Variants in MMP16 observed in about 807,000 individuals in gnomAD.
The protein encoded by MMP16 is matrix metalloproteinase-16.
A neutral mutation model predicts 67.8 loss-of-function variants in MMP16; 12 were observed. That is an observed-to-expected ratio of 0.18 (90% CI 0.11 to 0.29). MMP16 has a LOEUF of 0.29. Ranked by LOEUF, MMP16 falls within the 10% of genes least tolerant of loss-of-function variation. MMP16 has a pLI of 1.00. For synonymous variants in MMP16, 249 were observed against 255.9 expected (o/e 0.97, Z 0.26); for missense variants, 475 against 765.7 (o/e 0.62, Z 4.48).
chr8:88,239,053 TCACCTCCTTGTC>T (rs1293546155), intron 1 of MMP16, among the ~76,000 whole-genome samples: 22 of 152,106 alleles, frequency 1.4e-4, no homozygotes, highest in African/African-American at 4.1e-4. Flanking sequence ...GCATCTTGCC[TCACCTCCTTGTC>T]CACCTTCATC....
intron 4 of MMP16, among the ~76,000 whole-genome samples, chr8:88,139,493 T>C (rs1808175672): frequency 6.6e-6 from 1 of 151,950 alleles, no homozygotes; most frequent in Non-Finnish European, 1.5e-5. Flanking sequence ...AAAAGAGACA[T>C]GCCATTTATA....
chr8:88,172,873 C>T (rs1021988717), intron 3 of MMP16, among the ~76,000 whole-genome samples: 2 of 151,442 alleles, frequency 1.3e-5, no homozygotes, highest in South Asian at 4.2e-4. Context: ...CATAACAAAA[C>T]CAATGTCTTT....
intron 5 of MMP16, 86 bp from the exon 6 acceptor site, chr8:88,116,804 G>T: frequency 8.2e-7 from 1 of 1,213,540 alleles, no homozygotes; most frequent in Non-Finnish European, 1.2e-6. Flanking sequence ...TCACTTATCA[G>T]CAGAAGGCAC....
intron 1 of MMP16, among the ~76,000 whole-genome samples, chr8:88,214,106 CGTG>C (rs1809551854): frequency 6.6e-6 from 1 of 152,152 alleles, no homozygotes; most frequent in Admixed American, 6.5e-5. Context: ...AATACATAAA[CGTG>C]ATGACTCCTC....
At chr8:88,172,319 C>T (rs899142700) in intron 3 of MMP16, among the ~76,000 whole-genome samples, 1 of 152,130 alleles carries the variant, frequency 6.6e-6, no homozygotes, top group Admixed American at 6.5e-5. Context: ...TCTGACAACA[C>T]ATTTTATGTA....
intron 7 of MMP16, among the ~76,000 whole-genome samples, chr8:88,066,962 A>G (rs927827445): frequency 1.3e-5 from 2 of 152,110 alleles, no homozygotes; most frequent in Non-Finnish European, 2.9e-5. Context: ...GTGGGCATCA[A>G]AATTTTTTTG....
At chr8:88,220,834 G>C (rs1039103203) in intron 1 of MMP16, among the ~76,000 whole-genome samples, 2 of 152,026 alleles carry the variant, frequency 1.3e-5, no homozygotes, top group Non-Finnish European at 2.9e-5. Context: ...AGTCCTAAAG[G>C]CATGATTAAG....
At chr8:88,095,601 C>A (rs1239515987) in intron 6 of MMP16, among the ~76,000 whole-genome samples, 2 of 151,850 alleles carry the variant, frequency 1.3e-5, no homozygotes, top group Non-Finnish European at 2.9e-5. Flanking sequence ...AACAATACCA[C>A]CTGATTCATT....
intron 6 of MMP16, among the ~76,000 whole-genome samples, chr8:88,094,271 C>A (rs1009776941): frequency 2.0e-5 from 3 of 151,640 alleles, no homozygotes; most frequent in African/African-American, 4.8e-5. Context: ...TGTTAGATAA[C>A]CATAGATTCC....
At chr8:88,082,060 T>C (rs961495764) in intron 6 of MMP16, among the ~76,000 whole-genome samples, 1 of 152,050 alleles carries the variant, frequency 6.6e-6, no homozygotes, top group Non-Finnish European at 1.5e-5. Context: ...GGTCAATTAA[T>C]CTAATGTATA....
chr8:88,271,689 T>C (rs1355876083), intron 1 of MMP16, among the ~76,000 whole-genome samples: 1 of 152,124 alleles, frequency 6.6e-6, no homozygotes, highest in Non-Finnish European at 1.5e-5. Context: ...AGGTTGATTC[T>C]CAAAGTTTCA....
rs547534657 is a variant in MMP16 at position 88,148,930 on chromosome 8, T to C, written c.709+18739A>G. 5.6e-4 allele frequency among the ~76,000 whole-genome samples: 86 copies of C among 152,346 alleles called. 1 individual carries two copies. Among genetic ancestry groups the C allele is most frequent in the African/African-American group, 1.9e-3 (80 of 41,590 alleles). ...AGCGACGCAGAAGACGGGTGATTTC[T>C]GCATTTCCATCTGAGGTACCGGGTT... On this transcript the variant is annotated intron_variant, in intron 4 of 9. Transcript: ENST00000286614.
In MMP16 at chr8:88,091,537, T is replaced by C. The variant is rs558080286; in HGVS notation, c.1084-16794A>G. Among the ~76,000 whole-genome samples, 18 of 151,146 alleles carry C rather than the reference T, an allele frequency of 1.2e-4. No homozygotes were observed. The South Asian group carries it at 3.8e-3, about 32-fold the overall frequency. ...GCCACAGGAAAAACAAATGAAAAGG[T>C]GACTAATTCATTTACACACACAAAC... On this transcript the variant is annotated intron_variant, in intron 6 of 9. Transcript: ENST00000286614.
intron 1 of MMP16, among the ~76,000 whole-genome samples, chr8:88,284,687 A>G (rs1257213264): frequency 6.6e-6 from 1 of 152,182 alleles, no homozygotes; most frequent in Admixed American, 6.5e-5. Flanking sequence ...TTTACTCACC[A>G]TGTACACATT....
chr8:88,270,167 A>G (rs1010201704), intron 1 of MMP16, among the ~76,000 whole-genome samples: 5 of 152,348 alleles, frequency 3.3e-5, no homozygotes, highest in Admixed American at 2.6e-4. Flanking sequence ...GGATCTCAAC[A>G]AAGTTGACTA....
At chr8:88,126,731 A>C (rs1807938983) in intron 4 of MMP16, among the ~76,000 whole-genome samples, 1 of 151,884 alleles carries the variant, frequency 6.6e-6, no homozygotes, top group South Asian at 2.1e-4. Context: ...CCGTATTTAA[A>C]GTCCTGACTC....
chr8:88,072,493 C>T (rs929326074), intron 7 of MMP16, among the ~76,000 whole-genome samples: 5 of 152,018 alleles, frequency 3.3e-5, no homozygotes, highest in African/African-American at 1.2e-4. Flanking sequence ...GCAGGGTCCT[C>T]AAAGTGACAA....
intron 9 of MMP16, among the ~76,000 whole-genome samples, chr8:88,044,993 A>G (rs1262040224): frequency 6.6e-6 from 1 of 152,010 alleles, no homozygotes; most frequent in Non-Finnish European, 1.5e-5. Flanking sequence ...TTTCCCTTTT[A>G]TCTCAGAGAG....
intron 1 of MMP16, among the ~76,000 whole-genome samples, chr8:88,324,402 TAC>T (rs1328623265): frequency 6.6e-6 from 1 of 152,092 alleles, no homozygotes; most frequent in Non-Finnish European, 1.5e-5. Context: ...GGGAAAAATA[TAC>T]AGTCTTAAAC....
Sources: allele counts gnomAD v4.1 joint callset (sites outside exome capture counted in the v4.1 genomes callset), GRCh38; gene constraint gnomAD v4.1.1; transcripts MANE v1.5; gene names NCBI Gene and HGNC (gene_info 2026-07-23, HGNC 2026-07-21).